The following TLN2 variants were observed in gnomAD, a reference collection of about 807,000 sequenced individuals.
The protein encoded by TLN2 is talin-2.
TLN2 carries 118 observed loss-of-function variants against 294.7 expected under a neutral mutation model. The observed-to-expected ratio is 0.40, with a 90% confidence interval of 0.34 to 0.47. TLN2 has a LOEUF of 0.47. TLN2 is among the 20% of genes least tolerant of loss of function. The pLI is 0.84. For synonymous variants in TLN2, 1,431 were observed against 1,304.5 expected, an observed-to-expected ratio of 1.10 and a Z score of -2.09; for missense variants, 3,083 against 3,282.2, an observed-to-expected ratio of 0.94 and a Z score of 1.48.
intron 22 of TLN2, among the ~76,000 whole-genome samples, chr15:62,714,823 C>G (rs769904141): frequency 6.6e-6 from 1 of 152,010 alleles, no homozygotes; most frequent in Non-Finnish European, 1.5e-5. Flanking sequence ...TACCCCATAT[C>G]TGATACATAT....
chr15:62,688,301 T>G (rs2057465067), intron 12 of TLN2, among the ~76,000 whole-genome samples: 1 of 152,160 alleles, frequency 6.6e-6, no homozygotes, highest in South Asian at 2.1e-4. Flanking sequence ...TTCCAAGTGT[T>G]TAGAGGTTTT....
intron 1 of TLN2, among the ~76,000 whole-genome samples, chr15:62,587,237 T>C (rs1474505287): frequency 6.6e-6 from 1 of 152,042 alleles, no homozygotes; most frequent in East Asian, 1.9e-4. Context: ...AGAAGGAGAG[T>C]GGACATTGAT....
At chr15:62,659,382 A>C (rs745934502) in intron 9 of TLN2, among the ~76,000 whole-genome samples, 17 of 152,192 alleles carry the variant, frequency 1.1e-4, no homozygotes, top group Non-Finnish European at 2.4e-4. Context: ...CTATGCAGCA[A>C]AGGTACTTAA....
chr15:62,719,708 C>T, intron 24 of TLN2, 59 bp from the exon 25 acceptor site: 6 of 1,389,480 alleles, frequency 4.3e-6, no homozygotes, highest in Non-Finnish European at 5.8e-6. Context: ...CATGGTCTAG[C>T]TTCTTTGGAT....
chr15:62,627,549 A>T (rs2049388359), intron 3 of TLN2, among the ~76,000 whole-genome samples: 1 of 152,224 alleles, frequency 6.6e-6, no homozygotes, highest in Non-Finnish European at 1.5e-5. Flanking sequence ...TGAAATGTTG[A>T]TTTGTGCTTC....
At chr15:62,799,124 A>G (rs997065166) in intron 48 of TLN2, among the ~76,000 whole-genome samples, 1 of 152,208 alleles carries the variant, frequency 6.6e-6, no homozygotes, top group African/African-American at 2.4e-5. Flanking sequence ...ACCCAGAGCC[A>G]CGCACACAGG....
At chr15:62,421,839 A>G (rs2034419523) in intron 1 of TLN2, among the ~76,000 whole-genome samples, 1 of 152,174 alleles carries the variant, frequency 6.6e-6, no homozygotes, top group Admixed American at 6.5e-5. Context: ...TACAGGGGGA[A>G]ATTTCTTTTT....
At chr15:62,753,511 AG>A (rs1455569575) in intron 35 of TLN2, among the ~76,000 whole-genome samples, 1 of 152,202 alleles carries the variant, frequency 6.6e-6, no homozygotes, top group Non-Finnish European at 1.5e-5. Flanking sequence ...ATGCCCCCAA[AG>A]AAGAATTTCT....
chr15:62,707,672 A>G (rs533543907), intron 20 of TLN2, among the ~76,000 whole-genome samples: 46 of 152,292 alleles, frequency 3.0e-4, no homozygotes, highest in African/African-American at 1.0e-3. Context: ...CAGGGTATAC[A>G]CACTCAGTGT....
intron 32 of TLN2, among the ~76,000 whole-genome samples, chr15:62,745,142 C>T (rs2061544787): frequency 6.6e-6 from 1 of 152,208 alleles, no homozygotes; most frequent in Non-Finnish European, 1.5e-5. Flanking sequence ...CATCTCTGAA[C>T]ACTAAATAAT....
At chr15:62,800,921 T>G in intron 50 of TLN2, 152 bp downstream of exon 50, 1 of 637,452 alleles carries the variant, frequency 1.6e-6, no homozygotes, top group East Asian at 2.7e-5. Context: ...TTTATATAAT[T>G]GAGACCCCAT....
Position 62,755,692 on chromosome 15 carries a change from A to G in TLN2, c.4637A>G (p.Lys1546Arg), listed in dbSNP as rs747182599. The G allele has an allele frequency of 1.2e-6, 2 of 1,614,204 alleles. No individual in the cohort carries two copies. The highest frequency in any genetic ancestry group is 2.2e-5 in the East Asian group (1 of 44,886). Residue 1546 changes from lysine (K) to arginine (R), a missense_variant and splice_region_variant, in exon 37 of 59, where the codon AAG becomes AGG. Transcript: ENST00000636159. ...NSTANLVKTIKALDGDFSEDN... is the reference protein window; with the variant it reads ...NSTANLVKTIRALDGDFSEDN... ...ACTGCCAACCTGGTGAAGACCATCA[A>G]GGTAGGTCGCTGGACTACCGGCCTT...
intron 2 of TLN2, among the ~76,000 whole-genome samples, chr15:62,605,949 G>C (rs1013725987): frequency 6.6e-6 from 1 of 152,204 alleles, no homozygotes; most frequent in Non-Finnish European, 1.5e-5. Context: ...TACATTTCAT[G>C]TGATACATTT....
chr15:62,452,540 C>T (rs551963707), intron 1 of TLN2, among the ~76,000 whole-genome samples: 47 of 152,264 alleles, frequency 3.1e-4, no homozygotes, highest in African/African-American at 1.1e-3. Context: ...GCAGCATCAC[C>T]ACCATCCATC....
At chr15:62,553,284 G>A (rs902779747) in intron 1 of TLN2, among the ~76,000 whole-genome samples, 28 of 152,116 alleles carry the variant, frequency 1.8e-4, no homozygotes, top group Non-Finnish European at 4.0e-4. Flanking sequence ...TCATCTGTCA[G>A]GAGTTCGAGA....
chr15:62,416,160 A>G (rs566797637), intron 1 of TLN2, among the ~76,000 whole-genome samples: 100 of 152,256 alleles, frequency 6.6e-4, no homozygotes, highest in Admixed American at 5.0e-3. Flanking sequence ...TCAGCCAGGC[A>G]TGGTGGCACA....
intron 1 of TLN2, among the ~76,000 whole-genome samples, chr15:62,495,945 C>CA (rs35350561): frequency 0.11 from 13,957 of 123,598 alleles, 755 homozygotes; most frequent in Non-Finnish European, 0.14. Flanking sequence ...AGTTCTAGGC[C>CA]AAAAAAAAAA....
chr15:62,711,584 A>G (rs1196314949), intron 21 of TLN2, among the ~76,000 whole-genome samples: 1 of 152,234 alleles, frequency 6.6e-6, no homozygotes, highest in Non-Finnish European at 1.5e-5. Context: ...ATGTTTTCTA[A>G]ATAAGTATTT....
At chr15:62,478,002 T>G (rs1243087760) in intron 1 of TLN2, among the ~76,000 whole-genome samples, 2 of 152,188 alleles carry the variant, frequency 1.3e-5, no homozygotes, top group East Asian at 3.9e-4. Flanking sequence ...TTTACTTTCA[T>G]AAGCAGCTAA....
Sources: allele counts gnomAD v4.1 joint callset (sites outside exome capture counted in the v4.1 genomes callset), GRCh38; gene constraint gnomAD v4.1.1; transcripts MANE v1.5; gene names NCBI Gene and HGNC (gene_info 2026-07-23, HGNC 2026-07-21).